The following ANKRD13C variants were observed in gnomAD, a reference collection of about 807,000 sequenced individuals.
The protein encoded by ANKRD13C is ankyrin repeat domain-containing protein 13C.
ANKRD13C carries 16 observed loss-of-function variants against 65.5 expected under a neutral mutation model. That is an observed-to-expected ratio of 0.24 (90% CI 0.17 to 0.37). ANKRD13C has a LOEUF of 0.37. Ranked by LOEUF, ANKRD13C falls within the 10% of genes least tolerant of loss-of-function variation. The pLI is 1.00. For synonymous variants in ANKRD13C, 235 were observed against 238.7 expected (o/e 0.98, Z 0.14); for missense variants, 503 against 655.9 (o/e 0.77, Z 2.55).
chr1:70,344,840 T>A lies in ANKRD13C; in HGVS notation c.431-8741A>T, dbSNP rs541519419. Reference sequence around the variant, plus strand: ...TTATCATATTAGAAATTAAGATTTTTAAAATTTTAAATGTATTAATTTTAG... The same window carrying A: ...TTATCATATTAGAAATTAAGATTTTAAAAATTTTAAATGTATTAATTTTAG... On this transcript the variant is annotated intron_variant, in intron 1 of 12. Transcript: ENST00000370944. Among the ~76,000 whole-genome samples, 5 of 152,148 alleles carry A rather than the reference T, an allele frequency of 3.3e-5. No individual in the cohort carries two copies. The South Asian group carries it at 8.3e-4, about 25-fold the overall frequency.
intron 9 of ANKRD13C, among the ~76,000 whole-genome samples, chr1:70,284,730 C>T (rs1679542109): frequency 6.6e-6 from 1 of 152,174 alleles, no homozygotes; most frequent in African/African-American, 2.4e-5. Context: ...GGCAATGGCA[C>T]TCACCTCTTT....
intron 12 of ANKRD13C, among the ~76,000 whole-genome samples, chr1:70,264,896 A>G (rs1179477844): frequency 6.6e-6 from 1 of 152,190 alleles, no homozygotes; most frequent in Non-Finnish European, 1.5e-5. Flanking sequence ...TTTTCAGTAA[A>G]GACCTGAGAT....
chr1:70,352,339 C>CAAAAAAA (rs397965041), intron 1 of ANKRD13C, among the ~76,000 whole-genome samples: 2 of 60,794 alleles, frequency 3.3e-5, no homozygotes, highest in African/African-American at 6.7e-5. Context: ...GACTCCGTCT[C>CAAAAAAA]AAAAAAAAAA....
Position 70,275,622 on chromosome 1 carries a change from A to G in ANKRD13C, c.1296-804T>C, listed in dbSNP as rs534153255. On this transcript the variant is annotated intron_variant, in intron 10 of 12. Transcript: ENST00000370944. ...TCTGCTGGTGCCTAGTGCATGCAGG[A>G]GGCTAATCTAATACAATAATACCCT... Among the ~76,000 whole-genome samples, 4 of 152,108 alleles carry G rather than the reference A, an allele frequency of 2.6e-5. No individual in the cohort carries two copies. In the South Asian group the frequency reaches 8.3e-4, roughly 32 times the overall value.
chr1:70,267,935 G>A (rs1045733799), intron 12 of ANKRD13C, among the ~76,000 whole-genome samples: 12 of 152,108 alleles, frequency 7.9e-5, no homozygotes, highest in Admixed American at 6.5e-5. Context: ...AAATATAATT[G>A]TAAATAGAAA....
At position 70,262,855 on chromosome 1, in the gene ANKRD13C, G is replaced by C; in HGVS notation, c.1496-8C>G. 6.3e-7 allele frequency: 1 copy of C among 1,591,956 alleles called. No homozygotes were observed. ...TGGGAAACACAGGTATATCTACAGA[G>C]AGAACATCAATGATAGCATTGTAAA... On this transcript the variant is annotated splice_polypyrimidine_tract_variant and splice_region_variant and intron_variant, in intron 12 of 12. Transcript: ENST00000370944.
intron 3 of ANKRD13C, among the ~76,000 whole-genome samples, chr1:70,321,955 T>A (rs1002583754): frequency 6.6e-6 from 1 of 152,146 alleles, no homozygotes; most frequent in African/African-American, 2.4e-5. Context: ...TCAAAAAACA[T>A]AAAATGTTAA....
At chr1:70,271,764 T>A (rs1293545174) in intron 11 of ANKRD13C, among the ~76,000 whole-genome samples, 1 of 152,242 alleles carries the variant, frequency 6.6e-6, no homozygotes, top group East Asian at 1.9e-4. Flanking sequence ...TGGAACCTAA[T>A]GTCATCCTAT....
intron 6 of ANKRD13C, 185 bp downstream of exon 6, chr1:70,306,039 A>G (rs1680573753): frequency 3.0e-6 from 1 of 329,316 alleles, no homozygotes; most frequent in Non-Finnish European, 5.7e-6. Context: ...CTAAGTAATA[A>G]AAAAATAAAA....
chr1:70,332,773 A>G (rs1385582209), intron 2 of ANKRD13C, among the ~76,000 whole-genome samples: 1 of 152,102 alleles, frequency 6.6e-6, no homozygotes, highest in African/African-American at 2.4e-5. Flanking sequence ...GCTGAAATAC[A>G]TTTTAAAACA....
At chr1:70,331,795 CT>C (rs1265262253) in intron 2 of ANKRD13C, among the ~76,000 whole-genome samples, 1 of 118,048 alleles carries the variant, frequency 8.5e-6, no homozygotes, top group Non-Finnish European at 1.6e-5. Context: ...GCACTCCAGC[CT>C]AGGCAACAGA....
Position 70,354,697 on chromosome 1 carries a change from A to G in ANKRD13C, c.-289T>C, listed in dbSNP as rs1557432517. ...CCGTCGCTGCCTTACACCGAAAAAC[A>G]GGGCACGGCCATCTTCCTCTTGCTC... On this transcript the variant is annotated 5_prime_UTR_variant, in exon 1 of 13. Coordinates refer to ENST00000370944, the MANE Select transcript of ANKRD13C (RefSeq NM_030816.5). 2 of 749,012 alleles carry G rather than the reference A, an allele frequency of 2.7e-6. No individual in the cohort carries two copies. The highest frequency in any genetic ancestry group is 4.2e-6 in the Non-Finnish European group (2 of 474,426). The allele number at this position is 749,012 out of a possible 1,614,324, so 46.4% of individuals were successfully genotyped here. A position where few individuals can be genotyped will look rare whatever the true frequency, so the allele number is the denominator to read the frequency against.
At chr1:70,281,701 G>T (rs531828043) in intron 9 of ANKRD13C, among the ~76,000 whole-genome samples, 2 of 151,354 alleles carry the variant, frequency 1.3e-5, no homozygotes, top group Non-Finnish European at 1.5e-5. Flanking sequence ...CACCATGCCC[G>T]GGTTAAATTC....
At position 70,261,722 on chromosome 1, in the gene ANKRD13C, G is replaced by T. The variant is rs980392173; in HGVS notation, c.*995C>A. The T allele has an allele frequency of 6.6e-5, 10 of 152,364 alleles. No homozygotes were observed. Among genetic ancestry groups the T allele is most frequent in the African/African-American group, 2.4e-4 (10 of 41,384 alleles). The allele number at this position is 152,364 out of a possible 1,614,324, so 9.4% of individuals were successfully genotyped here. On this transcript the variant is annotated 3_prime_UTR_variant, in exon 13 of 13. Coordinates refer to ENST00000370944, the MANE Select transcript of ANKRD13C (RefSeq NM_030816.5). ...AAATGTTTTTATCTTATTTTGAAAGGATTAAATATGTAGGGTTGTCCAAAA... is the reference window on the plus strand; with the variant it reads ...AAATGTTTTTATCTTATTTTGAAAGTATTAAATATGTAGGGTTGTCCAAAA...
rs1335644392 is a variant in ANKRD13C, at chr1:70,261,746, AAT to A, written c.*969_*970del. The A allele has an allele frequency of 6.6e-6, 1 of 152,584 alleles. No individual in the cohort carries two copies. Among genetic ancestry groups the A allele is most frequent in the African/African-American group, 2.4e-5 (1 of 41,462 alleles). The allele number at this position is 152,584 out of a possible 1,614,324, so 9.5% of individuals were successfully genotyped here. ...GGATTAAATATGTAGGGTTGTCCAA[AAT>A]ATGTGTATTGTTTTTTAAAACTGAC... is the stretch of plus-strand genomic sequence containing the variant. On this transcript the variant is annotated 3_prime_UTR_variant, in exon 13 of 13. Transcript: ENST00000370944.
intron 4 of ANKRD13C, among the ~76,000 whole-genome samples, chr1:70,314,284 T>C (rs1166971025): frequency 6.6e-6 from 1 of 151,874 alleles, no homozygotes; most frequent in Non-Finnish European, 1.5e-5. Flanking sequence ...AGTGGCATGA[T>C]CTCAGCTCAC....
intron 5 of ANKRD13C, among the ~76,000 whole-genome samples, chr1:70,312,707 C>A (rs528617659): frequency 6.6e-6 from 1 of 150,918 alleles, no homozygotes; most frequent in Non-Finnish European, 1.5e-5. Flanking sequence ...TCAACAAAAA[C>A]TCACATAAGC....
chr1:70,278,961 G>A (rs1162696300), intron 9 of ANKRD13C, among the ~76,000 whole-genome samples: 1 of 152,062 alleles, frequency 6.6e-6, no homozygotes. Context: ...GGCACTTTGG[G>A]AGGCCAAGGC....
chr1:70,306,679 T>C (rs917658777), intron 5 of ANKRD13C, among the ~76,000 whole-genome samples: 4 of 152,108 alleles, frequency 2.6e-5, no homozygotes, highest in East Asian at 1.9e-4. Flanking sequence ...TTTGGAAAAA[T>C]TGCAGTAAAG....
Sources: gnomAD v4.1 joint callset for allele counts (sites outside exome capture counted in the v4.1 genomes callset) on GRCh38, gnomAD v4.1.1 for gene constraint, MANE v1.5 for transcripts, NCBI Gene and HGNC (gene_info 2026-07-23, HGNC 2026-07-21) for gene names.